Variants in POLR3H observed in about 807,000 individuals in gnomAD.
POLR3H encodes the protein RNA polymerase III subunit H.
POLR3H carries 17 observed loss-of-function variants against 25.5 expected under a neutral mutation model. That is an observed-to-expected ratio of 0.67 (90% confidence interval 0.46 to 1.00). The LOEUF (loss-of-function observed/expected upper bound fraction) is 1.00. POLR3H is among the 50% of genes least tolerant of loss of function. POLR3H has a pLI of 0.00. For synonymous variants in POLR3H, 129 were observed against 103.0 expected (o/e 1.25, Z -1.53); for missense variants, 274 against 265.0 (o/e 1.03, Z -0.24).
At chr22:41,538,569 C>T (rs73178632) in intron 2 of POLR3H, among the ~76,000 whole-genome samples, 28,068 of 152,058 alleles carry the variant, frequency 0.18, 3,508 homozygotes, top group Admixed American at 0.38. Flanking sequence ...CGCAACTTGA[C>T]TTTTTTCTCC....
At chr22:41,534,381 C>T (rs956480643) in intron 2 of POLR3H, among the ~76,000 whole-genome samples, 4 of 152,226 alleles carry the variant, frequency 2.6e-5, no homozygotes, top group African/African-American at 9.7e-5. Flanking sequence ...CTGACATGCA[C>T]TACAGTGTGG....
intron 4 of POLR3H, 139 bp from the exon 5 acceptor site, chr22:41,531,027 GC>G: frequency 1.2e-6 from 1 of 800,368 alleles, no homozygotes; most frequent in Non-Finnish European, 2.0e-6. Flanking sequence ...GCAGGTCCCA[GC>G]CCCATGCACA....
chr22:41,528,246 G>A lies in POLR3H; in HGVS notation c.*1037C>T. On this transcript the variant is annotated 3_prime_UTR_variant, in exon 6 of 6. Coordinates refer to ENST00000355209, the MANE Select transcript of POLR3H (RefSeq NM_001018050.4). ...CTCCCCAACCTCCCTTTACTCACCAGGACCTGGCACTCAGGGGACAGCCCA... is the reference window on the plus strand; with the variant it reads ...CTCCCCAACCTCCCTTTACTCACCAAGACCTGGCACTCAGGGGACAGCCCA... 1.2e-6 allele frequency: 1 copy of A among 835,932 alleles called. No homozygotes were observed. The highest frequency in any genetic ancestry group is 1.8e-6 in the Non-Finnish European group (1 of 550,584). 51.8% of individuals were successfully genotyped at this position (835,932 alleles called of 1,614,324 possible).
chr22:41,530,882 T>C lies in POLR3H; in HGVS notation c.366A>G (p.Glu122=). 1 of 1,613,730 alleles carries C rather than the reference T, an allele frequency of 6.2e-7. No homozygotes were observed. The highest frequency in any genetic ancestry group is 8.5e-7 in the Non-Finnish European group (1 of 1,180,006). Residue 122 remains glutamate (E), a synonymous_variant, in exon 5 of 6, where the codon GAA becomes GAG. Coordinates refer to ENST00000355209, the MANE Select transcript of POLR3H (RefSeq NM_001018050.4). ...ACTCCCACACCCACACCTGCTCCGC[T>C]TCGTCGCTGAGGGGGTCCAGGGTCA... The part of the protein sequence containing the change: ...ESLQQPAKFD[E]AEQVWVWEYE...
At position 41,526,283 on chromosome 22, in the gene POLR3H, G is replaced by T; in HGVS notation, c.*3000C>A. ...CAAGGTCAAAGGGAAGTGTACCACT[G>T]ACCACATCTCAGCTGCTGGCCCCTG... On this transcript the variant is annotated 3_prime_UTR_variant, in exon 6 of 6. Transcript: ENST00000355209. 1 of 1,612,278 alleles carries T rather than the reference G, an allele frequency of 6.2e-7. No homozygotes were observed. The highest frequency in any genetic ancestry group is 1.1e-5 in the South Asian group (1 of 90,956).
At chr22:41,533,966 C>G (rs1388206102) in intron 2 of POLR3H, among the ~76,000 whole-genome samples, 1 of 152,132 alleles carries the variant, frequency 6.6e-6, no homozygotes, top group Non-Finnish European at 1.5e-5. Context: ...TGATAAAACA[C>G]CGTCTCTACC....
At chr22:41,530,559 G>A in intron 5 of POLR3H, 128 bp downstream of exon 5, 2 of 847,856 alleles carry the variant, frequency 2.4e-6, no homozygotes, top group South Asian at 1.8e-5. Context: ...GACCAGCCAA[G>A]ACCCCCCAAA....
intron 2 of POLR3H, among the ~76,000 whole-genome samples, chr22:41,533,202 A>G (rs2066776300): frequency 6.6e-6 from 1 of 152,154 alleles, no homozygotes; most frequent in South Asian, 2.1e-4. Flanking sequence ...CCCAGCAAAA[A>G]TGCCTCTGTG....
At chr22:41,533,458 G>C (rs2066783665) in intron 2 of POLR3H, 2 of 1,139,660 alleles carry the variant, frequency 1.8e-6, no homozygotes, top group African/African-American at 3.3e-5. Flanking sequence ...CAGTGGCTCA[G>C]AGCCAGGGTG....
Position 41,528,781 on chromosome 22 carries a change from C to G in POLR3H, c.*502G>C. 1 of 958,012 alleles carries G rather than the reference C, an allele frequency of 1.0e-6. No individual in the cohort carries two copies. The highest frequency in any genetic ancestry group is 1.8e-5 in the South Asian group (1 of 55,214). The allele number at this position is 958,012 out of a possible 1,614,324, so 59.3% of individuals were successfully genotyped here. ...TGACTGTGGTTGTGGTGGGGGGGTT[C>G]TTAAAATAACTTTTTAGCCCCCGTC... is the stretch of plus-strand genomic sequence containing the variant. On this transcript the variant is annotated 3_prime_UTR_variant, in exon 6 of 6. Coordinates refer to ENST00000355209, the MANE Select transcript of POLR3H (RefSeq NM_001018050.4).
chr22:41,532,574 C>T (rs1292529492), intron 3 of POLR3H, 85 bp downstream of exon 3: 1 of 1,607,420 alleles, frequency 6.2e-7, no homozygotes, highest in East Asian at 2.2e-5. Flanking sequence ...ACACCTGAGC[C>T]CTCCCCTGAC....
rs762863172 is a variant in POLR3H, at chr22:41,526,244, C to T, written c.*3039G>A. 172 of 1,607,980 alleles carry T rather than the reference C, an allele frequency of 1.1e-4. No individual in the cohort carries two copies. Among genetic ancestry groups the T allele is most frequent in the Non-Finnish European group, 1.4e-4 (163 of 1,177,118 alleles). On this transcript the variant is annotated 3_prime_UTR_variant, in exon 6 of 6. Transcript: ENST00000355209. ...AGGGCCATGCCCTGACCTCTGTCCT[C>T]TCTACTTACCACCCAAGGTCAAAGG...
At chr22:41,532,073 A>G in intron 4 of POLR3H, 21 bp downstream of exon 4, 4 of 1,612,642 alleles carry the variant, frequency 2.5e-6, no homozygotes, top group Non-Finnish European at 3.4e-6. Flanking sequence ...GTGACAAACC[A>G]CTTTAACCCT....
chr22:41,529,651 T>A (rs2066682024), intron 5 of POLR3H: 1 of 655,604 alleles, frequency 1.5e-6, no homozygotes, highest in Non-Finnish European at 2.9e-6. Flanking sequence ...AGGCCCATGC[T>A]CCAGACGCAT....
Position 41,527,744 on chromosome 22 carries a change from T to C in POLR3H, c.*1539A>G. The C allele has an allele frequency of 2.4e-6, 3 of 1,240,726 alleles. No homozygotes were observed. Among genetic ancestry groups the C allele is most frequent in the African/African-American group, 1.5e-5 (1 of 66,244 alleles). 76.9% of individuals were successfully genotyped at this position (1,240,726 alleles called of 1,614,324 possible). A position where few individuals can be genotyped will look rare whatever the true frequency, so the allele number is the denominator to read the frequency against. On this transcript the variant is annotated 3_prime_UTR_variant, in exon 6 of 6. Coordinates refer to ENST00000355209, the MANE Select transcript of POLR3H (RefSeq NM_001018050.4). ...AGCGCACACTTGCTAGGGGCACCCC[T>C]AGTGAAAGGGAGCAGACCAGGGCCC...
At position 41,527,239 on chromosome 22, in the gene POLR3H, G is replaced by A; in HGVS notation, c.*2044C>T. On this transcript the variant is annotated 3_prime_UTR_variant, in exon 6 of 6. Coordinates refer to ENST00000355209, the MANE Select transcript of POLR3H (RefSeq NM_001018050.4). The stretch of plus-strand genomic sequence containing the variant: ...CAGGCAGGTAGGGCCAGACAGGTGA[G>A]GACGGTGCCCTCCTCTGCCTTATAA... 1 of 1,613,674 alleles carries A rather than the reference G, an allele frequency of 6.2e-7. No homozygotes were observed. Among genetic ancestry groups the A allele is most frequent in the Non-Finnish European group, 8.5e-7 (1 of 1,179,848 alleles).
chr22:41,527,145 G>A lies in POLR3H; in HGVS notation c.*2138C>T. 8.0e-7 allele frequency: 1 copy of A among 1,249,270 alleles called. No individual in the cohort carries two copies. The highest frequency in any genetic ancestry group is 1.1e-6 in the Non-Finnish European group (1 of 891,446). The allele number at this position is 1,249,270 out of a possible 1,614,324, so 77.4% of individuals were successfully genotyped here. ...AGGCTTCACTTGCCCTTAGGCAGCAGGCGAGGAAGGGCCCCTCCAGCCCCT... is the reference window on the plus strand; with the variant it reads ...AGGCTTCACTTGCCCTTAGGCAGCAAGCGAGGAAGGGCCCCTCCAGCCCCT... On this transcript the variant is annotated 3_prime_UTR_variant, in exon 6 of 6. Coordinates refer to ENST00000355209, the MANE Select transcript of POLR3H (RefSeq NM_001018050.4).
At chr22:41,533,445 A>G in intron 2 of POLR3H, 16 of 1,072,946 alleles carry the variant, frequency 1.5e-5, no homozygotes, top group Non-Finnish European at 1.9e-5. Context: ...CGTGAGGATA[A>G]GGCAGTGGCT....
In POLR3H at chr22:41,530,875, G is replaced by C; in HGVS notation, c.373C>G (p.Gln125Glu). 2.5e-6 allele frequency: 4 copies of C among 1,613,768 alleles called. No individual in the cohort carries two copies. The highest frequency in any genetic ancestry group is 3.4e-6 in the Non-Finnish European group (4 of 1,180,026). Residue 125 changes from glutamine (Q) to glutamate (E), a missense_variant, in exon 5 of 6, where the codon CAG becomes GAG. By Grantham distance (29) the Gln-to-Glu change is conservative (BLOSUM62 2). Coordinates refer to ENST00000355209, the MANE Select transcript of POLR3H (RefSeq NM_001018050.4). ...QQPAKFDEAE[Q>E]VWVWEYETEE... ...GTCTCGTACTCCCACACCCACACCT[G>C]CTCCGCTTCGTCGCTGAGGGGGTCC...
Sources: gnomAD v4.1 joint callset for allele counts (sites outside exome capture counted in the v4.1 genomes callset) on GRCh38, gnomAD v4.1.1 for gene constraint, MANE v1.5 for transcripts, NCBI Gene and HGNC (gene_info 2026-07-23, HGNC 2026-07-21) for gene names.